The following MYBPC2 variants were observed in gnomAD, a reference collection of about 807,000 sequenced individuals.
The protein encoded by MYBPC2 is myosin-binding protein C, fast-type.
A neutral mutation model predicts 137.0 loss-of-function variants in MYBPC2; 122 were observed. The ratio of observed to expected loss-of-function variants is 0.89; its 90% CI spans 0.77 to 1.03. The LOEUF is 1.03. MYBPC2 is among the 50% of genes least tolerant of loss of function. The pLI is 0.00. For missense variants in MYBPC2, 1,500 were observed against 1,534.4 expected, an observed-to-expected ratio of 0.98 and a Z score of 0.37; for synonymous variants, 626 against 612.3, an observed-to-expected ratio of 1.02 and a Z score of -0.33.
At chr19:50,464,281 C>T in intron 26 of MYBPC2, 65 bp from the exon 27 acceptor site, 1 of 1,451,600 alleles carries the variant, frequency 6.9e-7, no homozygotes, top group Middle Eastern at 1.8e-4. Context: ...TTCCTGAGCC[C>T]CATTTTGTCA....
In MYBPC2 at chr19:50,451,955, C is replaced by T. The variant is rs369889620; in HGVS notation, c.1701C>T (p.Ser567=). ...VAGNKLRLDV[S]ITGEPPPVAT... ...GAAACAAGCTGAGGCTTGACGTGTCCATCACAGGGGAGCCCCCTCCCGTCG... is the reference window on the plus strand; with the variant it reads ...GAAACAAGCTGAGGCTTGACGTGTCTATCACAGGGGAGCCCCCTCCCGTCG... The change falls in exon 16 of 28, where the codon TCC becomes TCT. Residue 567 remains serine (S), a synonymous_variant. Transcript: ENST00000357701. 5.1e-5 allele frequency: 80 copies of T among 1,559,938 alleles called. 2 individuals carry two copies. Among genetic ancestry groups the T allele is most frequent in the East Asian group, 5.0e-4 (21 of 41,684 alleles).
Position 50,455,357 on chromosome 19 carries a change from C to T in MYBPC2, c.2203+61C>T, listed in dbSNP as rs912937669. 4.4e-6 allele frequency: 7 copies of T among 1,574,710 alleles called. No homozygotes were observed. The African/African-American group carries it at 8.1e-5, about 18-fold the overall frequency. On this transcript the variant is annotated intron_variant, in intron 19 of 27. Transcript: ENST00000357701. ...TGATGGATCACTCTGATCCATCAAC[C>T]CCGTCCACCTCTGGCCCATCTTTTG...
At chr19:50,451,728 G>T in intron 15 of MYBPC2, 136 bp from the exon 16 acceptor site, 1 of 1,315,898 alleles carries the variant, frequency 7.6e-7, no homozygotes, top group South Asian at 1.4e-5. Context: ...CTGGGTCTGA[G>T]GGAGGAGGGC....
chr19:50,456,229 TCATCCATCCATC>T (rs143679406), intron 20 of MYBPC2, among the ~76,000 whole-genome samples: 27,292 of 144,732 alleles, frequency 0.19, 3,202 homozygotes, highest in East Asian at 0.39. Flanking sequence ...TTCCATCTAT[TCATCCATCCATC>T]CATCCATCCA....
In MYBPC2 at chr19:50,436,043, C is replaced by A. The variant is rs527587589; in HGVS notation, c.228C>A (p.Asn76Lys). Residue 76 changes from asparagine (N) to lysine (K), a missense_variant, in exon 4 of 28, where the codon AAC becomes AAA. Asn to Lys is a moderately conservative substitution (Grantham distance 94, BLOSUM62 0). Transcript: ENST00000357701. The part of the protein sequence containing the change: ...GKDAVVVAKV[N>K]GKELPDKPTI... ...ACGCAGTGGTCGTGGCCAAGGTGAA[C>A]GGGAAGGAGCTCCCAGACAAACCGA... 2 of 1,584,006 alleles carry A rather than the reference C, an allele frequency of 1.3e-6. No individual in the cohort carries two copies. Among genetic ancestry groups the A allele is most frequent in the Admixed American group, 1.8e-5 (1 of 55,392 alleles).
intron 26 of MYBPC2, among the ~76,000 whole-genome samples, chr19:50,462,316 A>T (rs2039979858): frequency 6.6e-6 from 1 of 151,368 alleles, no homozygotes; most frequent in South Asian, 2.1e-4. Context: ...CCTCCCGAGT[A>T]GCTGGGACCA....
At position 50,465,393 on chromosome 19, in the gene MYBPC2, C is replaced by T. The variant is rs745597759; in HGVS notation, c.3416-802C>T. ...CAGATGTCTGCCAGTCAAGGCTCAG[C>T]GAGGAGGCCACTAACCGTGTCCCTC... On this transcript the variant is annotated intron_variant, in intron 27 of 27. Transcript: ENST00000357701. The surrounding 1 kb of genome is among the most constrained non-coding windows in gnomAD (Gnocchi z 4.5). Among the ~76,000 whole-genome samples the T allele has an allele frequency of 3.3e-5, 5 of 152,208 alleles. No homozygotes were observed. The highest frequency in any genetic ancestry group is 9.6e-5 in the African/African-American group (4 of 41,460).
rs143540381 is a variant in MYBPC2, at chr19:50,434,698, G to A, written c.20-463G>A. ...GACCCCCTCCTGGGATGTCTGGTCC[G>A]CTGGCATCAGGCCAAGCAGGCTGTG... On this transcript the variant is annotated intron_variant, in intron 1 of 27. Transcript: ENST00000357701. Among the ~76,000 whole-genome samples the A allele has an allele frequency of 4.1e-4, 62 of 152,296 alleles. No individual in the cohort carries two copies. In the East Asian group the frequency reaches 0.011, roughly 27 times the overall value.
At chr19:50,447,998 G>A (rs1473460060) in intron 12 of MYBPC2, among the ~76,000 whole-genome samples, 2 of 152,102 alleles carry the variant, frequency 1.3e-5, no homozygotes, top group Non-Finnish European at 2.9e-5. Flanking sequence ...TCATCTTCTG[G>A]TAGATTCCTC....
At position 50,465,772 on chromosome 19, in the gene MYBPC2, G is replaced by A. The variant is rs1179137852; in HGVS notation, c.3416-423G>A. 1.3e-5 allele frequency among the ~76,000 whole-genome samples: 2 copies of A among 152,136 alleles called. No homozygotes were observed. The highest frequency in any genetic ancestry group is 6.5e-5 in the Admixed American group (1 of 15,272). ...GGGCAGGAGGATCACTTGAACCAGG[G>A]AGGCCGAGGCTGCAGTGAGCTGAGA... On this transcript the variant is annotated intron_variant, in intron 27 of 27. Transcript: ENST00000357701. This position sits in a 1 kb window ranked among gnomAD's most constrained non-coding sequence, Gnocchi z 4.5.
At chr19:50,434,688 T>C (rs1236613348) in intron 1 of MYBPC2, among the ~76,000 whole-genome samples, 1 of 152,176 alleles carries the variant, frequency 6.6e-6, no homozygotes, top group Non-Finnish European at 1.5e-5. Context: ...CCTCCTGGGA[T>C]GTCTGGTCCG....
At chr19:50,436,946 G>C (rs922634249) in intron 5 of MYBPC2, among the ~76,000 whole-genome samples, 1 of 152,126 alleles carries the variant, frequency 6.6e-6, no homozygotes, top group African/African-American at 2.4e-5. Flanking sequence ...AAGTGTACAG[G>C]GTCTTGGGAT....
In MYBPC2 at chr19:50,435,961, T is replaced by C; in HGVS notation, c.197-51T>C. ...TTCTGTCTCCCTCTGGAGAGCCTTA[T>C]GTTCCTTCCTGGGCCTCCTCCCACT... On this transcript the variant is annotated intron_variant, in intron 3 of 27. Coordinates refer to ENST00000357701, the MANE Select transcript of MYBPC2 (RefSeq NM_004533.4). The surrounding 1 kb of genome is among the most constrained non-coding windows in gnomAD (Gnocchi z 4.8). 1 of 1,554,764 alleles carries C rather than the reference T, an allele frequency of 6.4e-7. No individual in the cohort carries two copies. Among genetic ancestry groups the C allele is most frequent in the Middle Eastern group, 1.7e-4 (1 of 5,948 alleles).
chr19:50,445,856 C>T lies in MYBPC2; in HGVS notation c.1134-24C>T, dbSNP rs190081614. ...GAGAGCTGTGCTGTCTCCTCACATC[C>T]CGTTCTGTGTCTCACCCACCTAGGA... On this transcript the variant is annotated intron_variant, in intron 11 of 27. Transcript: ENST00000357701. The T allele has an allele frequency of 3.0e-4, 483 of 1,585,346 alleles. 1 individual carries two copies. The African/African-American group carries it at 5.9e-3, about 19-fold the overall frequency.
At chr19:50,442,375 G>A (rs773218493) in intron 9 of MYBPC2, 62 bp downstream of exon 9, 20 of 1,569,302 alleles carry the variant, frequency 1.3e-5, no homozygotes, top group Non-Finnish European at 1.7e-5. Context: ...AACGCCCGGA[G>A]ACAAGGCCTA....
intron 20 of MYBPC2, 71 bp downstream of exon 20, chr19:50,455,715 A>G (rs1457218234): frequency 1.0e-5 from 16 of 1,580,716 alleles, no homozygotes; most frequent in Non-Finnish European, 1.4e-5. Context: ...GGGAGCTGAA[A>G]ATAGGACCAT....
chr19:50,433,266 GTTTC>G (rs200386237), intron 1 of MYBPC2, among the ~76,000 whole-genome samples: 1,534 of 152,156 alleles, frequency 0.01, 24 homozygotes, highest in African/African-American at 0.035. Flanking sequence ...CAGGGAGGGT[GTTTC>G]TTTTTCTATA....
At position 50,454,420 on chromosome 19, in the gene MYBPC2, G is replaced by GTTTT. The variant is rs36109908; in HGVS notation, c.2014+71_2014+74dup. 362 of 738,432 alleles carry GTTTT rather than the reference G, an allele frequency of 4.9e-4. 2 individuals are homozygous for GTTTT. The highest frequency in any genetic ancestry group is 5.7e-4 in the East Asian group (14 of 24,612). The allele number at this position is 738,432 out of a possible 1,614,324, so 45.7% of individuals were successfully genotyped here. A position where few individuals can be genotyped will look rare whatever the true frequency, so the allele number is the denominator to read the frequency against. ...CTGACCTTCCCTCTTTCTGCCTTCT[G>GTTTT]TTTTTTTTTTTTTTTTTTTTTTTGA... On this transcript the variant is annotated intron_variant, in intron 18 of 27. Transcript: ENST00000357701.
chr19:50,466,094 T>C lies in MYBPC2; in HGVS notation c.3416-101T>C. ...GGATGGGGCGGGATGGTGACCGTCATCCTGTCCCCCTGCTGGTCATGTGGA... is the reference window on the plus strand; with the variant it reads ...GGATGGGGCGGGATGGTGACCGTCACCCTGTCCCCCTGCTGGTCATGTGGA... On this transcript the variant is annotated intron_variant, in intron 27 of 27. Transcript: ENST00000357701. The surrounding 1 kb of genome is among the most constrained non-coding windows in gnomAD (Gnocchi z 4.9). The C allele has an allele frequency of 6.6e-7, 1 of 1,525,190 alleles. No homozygotes were observed. The highest frequency in any genetic ancestry group is 9.0e-7 in the Non-Finnish European group (1 of 1,116,058). The allele number at this position is 1,525,190 out of a possible 1,614,324, so 94.5% of individuals were successfully genotyped here.
Sources: allele counts gnomAD v4.1 joint callset (sites outside exome capture counted in the v4.1 genomes callset), GRCh38; gene constraint gnomAD v4.1.1; non-coding constraint Gnocchi (gnomAD v3.1); transcripts MANE v1.5; gene names NCBI Gene and HGNC (gene_info 2026-07-23, HGNC 2026-07-21).